Variants in ENOX1 observed in about 807,000 individuals in gnomAD.
ENOX1 encodes ecto-NOX disulfide-thiol exchanger 1, also known as candidate growth-related and time keeping constitutive hydroquinone (NADH) oxidase.
In ENOX1, 42 loss-of-function variants were observed where a neutral mutation model predicts 82.5. The ratio of observed to expected loss-of-function variants is 0.51; its 90% CI spans 0.40 to 0.66. ENOX1 has a LOEUF of 0.66. Ranked by LOEUF, ENOX1 falls within the 30% of genes least tolerant of loss-of-function variation. The pLI is 0.00. For missense variants in ENOX1, 608 were observed against 811.6 expected, an observed-to-expected ratio of 0.75 and a Z score of 3.05; for synonymous variants, 271 against 282.2, an observed-to-expected ratio of 0.96 and a Z score of 0.40.
At chr13:43,668,414 C>T (rs2085090745) in intron 1 of ENOX1, among the ~76,000 whole-genome samples, 1 of 152,174 alleles carries the variant, frequency 6.6e-6, no homozygotes, top group South Asian at 2.1e-4. Context: ...CACAATTCCT[C>T]TATTATAATT....
intron 14 of ENOX1, among the ~76,000 whole-genome samples, chr13:43,247,771 C>T: frequency 7.7e-6 from 1 of 129,834 alleles, no homozygotes. Flanking sequence ...TACCTATAAT[C>T]TCTACAGAGC....
chr13:43,652,902 G>T (rs1010019998), intron 2 of ENOX1, among the ~76,000 whole-genome samples: 6 of 152,248 alleles, frequency 3.9e-5, no homozygotes, highest in African/African-American at 1.4e-4. Flanking sequence ...AGCTGCCTGG[G>T]AGATGCATGG....
intron 1 of ENOX1, among the ~76,000 whole-genome samples, chr13:43,765,784 AATCATAGTGATCCAAAGATGCAATG>A (rs1456252614): frequency 2.6e-5 from 4 of 152,234 alleles, no homozygotes; most frequent in African/African-American, 9.6e-5. Context: ...TTCGTTCAGA[AATCATAGTGATCCAAAGATGCAATG>A]ATGCTTTTCA....
rs553533586 is a variant in ENOX1 at position 43,569,957 on chromosome 13, C to T, written c.-218-85805G>A. ...TCCCATAAATATTTCTATAGTTGCA[C>T]GAATCAGGTGCTTTGTTAGTTTAAA... On this transcript the variant is annotated intron_variant, in intron 2 of 16. Coordinates refer to ENST00000690772, the MANE Select transcript of ENOX1 (RefSeq NM_001347969.2). Among the ~76,000 whole-genome samples, 190 of 152,256 alleles carry T rather than the reference C, an allele frequency of 1.2e-3. 1 individual carries two copies. The highest frequency in any genetic ancestry group is 1.1e-3 in the Non-Finnish European group (74 of 68,022).
chr13:43,378,417 T>C (rs1594227227), intron 5 of ENOX1, among the ~76,000 whole-genome samples: 1 of 152,354 alleles, frequency 6.6e-6, no homozygotes, highest in East Asian at 1.9e-4. Flanking sequence ...AGTCTTGAGT[T>C]GAGAACTAAT....
At position 43,616,169 on chromosome 13, in the gene ENOX1, T is replaced by TATAGATAG. The variant is rs1566641800; in HGVS notation, c.-219+51309_-219+51310insCTATCTAT. Among the ~76,000 whole-genome samples the TATAGATAG allele has an allele frequency of 4.3e-3, 33 of 7,746 alleles. 3 individuals are homozygous for TATAGATAG. Among genetic ancestry groups the TATAGATAG allele is most frequent in the African/African-American group, 5.9e-3 (29 of 4,912 alleles). The allele number at this position is 7,746 out of a possible 152,430, so 5.1% of individuals were successfully genotyped here. Reference sequence around the variant, plus strand: ...ATCTATATAGATAGATATCTATCTATCTATCTATCTATCTATCTATATATA... The same window carrying TATAGATAG: ...ATCTATATAGATAGATATCTATCTATATAGATAGCTATCTATCTATCTATCTATATATA... On this transcript the variant is annotated intron_variant, in intron 2 of 16. Coordinates refer to ENST00000690772, the MANE Select transcript of ENOX1 (RefSeq NM_001347969.2).
intron 1 of ENOX1, among the ~76,000 whole-genome samples, chr13:43,766,190 A>T (rs1349454153): frequency 6.6e-6 from 1 of 152,306 alleles, no homozygotes; most frequent in East Asian, 1.9e-4. Context: ...GCAAAATTGC[A>T]TTTATCTGGA....
intron 2 of ENOX1, among the ~76,000 whole-genome samples, chr13:43,541,715 C>A (rs2078736702): frequency 6.6e-6 from 1 of 152,010 alleles, no homozygotes; most frequent in Admixed American, 6.5e-5. Flanking sequence ...TTGTTTCTTC[C>A]CTAACACAAT....
chr13:43,690,903 G>A (rs2086329625), intron 1 of ENOX1, among the ~76,000 whole-genome samples: 1 of 152,176 alleles, frequency 6.6e-6, no homozygotes, highest in Non-Finnish European at 1.5e-5. Context: ...GTCTGAGGTG[G>A]GAGAAGGGCA....
chr13:43,240,219 C>T (rs1230579954), intron 14 of ENOX1, among the ~76,000 whole-genome samples: 1 of 152,196 alleles, frequency 6.6e-6, no homozygotes, highest in South Asian at 2.1e-4. Context: ...TACATATATA[C>T]ATCACATGCC....
intron 3 of ENOX1, among the ~76,000 whole-genome samples, chr13:43,481,324 T>C (rs1009248215): frequency 1.3e-5 from 2 of 151,960 alleles, no homozygotes; most frequent in Non-Finnish European, 1.5e-5. Context: ...TATGGACCAA[T>C]GGAAGAGGAT....
chr13:43,541,059 A>G (rs890313590), intron 2 of ENOX1, among the ~76,000 whole-genome samples: 3 of 152,070 alleles, frequency 2.0e-5, no homozygotes, highest in Non-Finnish European at 4.4e-5. Flanking sequence ...CCATTTATCA[A>G]ATCTACTGCA....
intron 2 of ENOX1, among the ~76,000 whole-genome samples, chr13:43,488,396 C>T (rs2076507304): frequency 6.6e-6 from 1 of 152,204 alleles, no homozygotes. Flanking sequence ...CCACAGACAA[C>T]AGAATCTTCT....
At chr13:43,367,613 C>G (rs2050934665) in intron 5 of ENOX1, among the ~76,000 whole-genome samples, 1 of 151,990 alleles carries the variant, frequency 6.6e-6, no homozygotes, top group Non-Finnish European at 1.5e-5. Context: ...AAGGCCCTGC[C>G]AACAGCTTAA....
At chr13:43,498,080 T>C (rs552726340) in intron 2 of ENOX1, among the ~76,000 whole-genome samples, 2 of 152,104 alleles carry the variant, frequency 1.3e-5, no homozygotes, top group African/African-American at 2.4e-5. Flanking sequence ...TGGACCTCCT[T>C]TCTTGGTACA....
chr13:43,493,093 A>G (rs1017974788), intron 2 of ENOX1, among the ~76,000 whole-genome samples: 12 of 152,114 alleles, frequency 7.9e-5, no homozygotes, highest in Non-Finnish European at 1.5e-4. Context: ...GCCAGTGTCT[A>G]TAACTACATG....
intron 1 of ENOX1, among the ~76,000 whole-genome samples, chr13:43,741,960 G>T (rs912029457): frequency 6.6e-5 from 10 of 152,170 alleles, no homozygotes; most frequent in Non-Finnish European, 1.2e-4. Flanking sequence ...TGCATGTAGA[G>T]ATTCAGTTGT....
At chr13:43,607,668 A>G (rs566427345) in intron 2 of ENOX1, among the ~76,000 whole-genome samples, 3 of 152,310 alleles carry the variant, frequency 2.0e-5, no homozygotes, top group South Asian at 4.1e-4. Flanking sequence ...ATGCATGTAG[A>G]TAAGTATAAA....
chr13:43,318,521 T>C (rs1490820672), intron 11 of ENOX1, among the ~76,000 whole-genome samples: 1 of 152,224 alleles, frequency 6.6e-6, no homozygotes, highest in Non-Finnish European at 1.5e-5. Flanking sequence ...ACACTGAATT[T>C]TGTACGTATA....
Sources: gnomAD v4.1 joint callset for allele counts (sites outside exome capture counted in the v4.1 genomes callset) on GRCh38, gnomAD v4.1.1 for gene constraint, MANE v1.5 for transcripts, NCBI Gene and HGNC (gene_info 2026-07-23, HGNC 2026-07-21) for gene names.